The following PRUNE2 variants were observed in gnomAD, a reference collection of about 807,000 sequenced individuals.
The protein encoded by PRUNE2 is protein prune homolog 2.
Under a neutral mutation model 252.0 loss-of-function variants are expected in PRUNE2, and 164 were observed. The observed-to-expected ratio is 0.65, with a 90% CI of 0.57 to 0.74. PRUNE2 has a LOEUF of 0.74. Ranked by LOEUF, PRUNE2 falls within the 30% of genes least tolerant of loss-of-function variation. The probability of loss-of-function intolerance (pLI) is 0.00; values close to 1 mark genes in which losing one functional copy is unlikely to be tolerated. For synonymous variants in PRUNE2, 1,292 were observed against 1,350.2 expected (o/e 0.96, Z 0.94); for missense variants, 3,495 against 3,711.0 (o/e 0.94, Z 1.51).
chr9:76,643,847 C>G (rs1486703023), intron 12 of PRUNE2, among the ~76,000 whole-genome samples: 1 of 152,090 alleles, frequency 6.6e-6, no homozygotes, highest in Admixed American at 6.5e-5. Flanking sequence ...TAATAGAAAA[C>G]AAAAGCAGTG....
intron 1 of PRUNE2, among the ~76,000 whole-genome samples, chr9:76,882,529 G>A (rs2133316912): frequency 6.6e-6 from 1 of 152,278 alleles, no homozygotes; most frequent in African/African-American, 2.4e-5. Flanking sequence ...CTTCCAGGGA[G>A]GCCTCAGGAA....
chr9:76,818,439 T>C lies in PRUNE2; in HGVS notation c.756+5193A>G, dbSNP rs534582987. On this transcript the variant is annotated intron_variant, in intron 6 of 18. Transcript: ENST00000376718. ...TGAATGCTAATGGAAAACATTAGTA[T>C]TTTCCCCTGGGCAGTACTCCAAGGT... is the stretch of plus-strand genomic sequence containing the variant. Among the ~76,000 whole-genome samples the C allele has an allele frequency of 3.3e-5, 5 of 152,248 alleles. No homozygotes were observed. The South Asian group carries it at 1.0e-3, about 32-fold the overall frequency.
At chr9:76,717,568 A>C (rs2047260326) in intron 6 of PRUNE2, among the ~76,000 whole-genome samples, 1 of 152,132 alleles carries the variant, frequency 6.6e-6, no homozygotes, top group Non-Finnish European at 1.5e-5. Flanking sequence ...AAATGTCTCC[A>C]AAATGTTCCC....
chr9:76,678,457 C>A lies in PRUNE2; in HGVS notation c.8277-22955G>T, dbSNP rs76365795. On this transcript the variant is annotated intron_variant, in intron 9 of 18. Transcript: ENST00000376718. ...AAAAAATGAAAAGAAGAAAAGATTT[C>A]TTGGTCAAAATGAGACATACAAAAC... is the stretch of plus-strand genomic sequence containing the variant. Among the ~76,000 whole-genome samples the A allele has an allele frequency of 1.1e-4, 16 of 151,412 alleles. No homozygotes were observed. The East Asian group carries it at 2.9e-3, about 28-fold the overall frequency.
rs539943045 is a variant in PRUNE2 at position 76,706,836 on chromosome 9, T to C, written c.5438A>G (p.Asp1813Gly). ...SPKASFPKNE[D>G]NSQLEMLGFS... ...GCCCAGCATTTCCAGTTGAGAATTA[T>C]CTTCGTTCTTTGGGAACGAAGCTTT... Residue 1813 changes from aspartate (D) to glycine (G), a missense_variant, in exon 8 of 19, where the codon GAT becomes GGT. Physicochemically the swap from Asp to Gly is moderately conservative, Grantham distance 94. Coordinates refer to ENST00000376718, the MANE Select transcript of PRUNE2 (RefSeq NM_015225.3). 12 of 1,596,592 alleles carry C rather than the reference T, an allele frequency of 7.5e-6. No individual in the cohort carries two copies. In the African/African-American group the frequency reaches 1.3e-4, roughly 18 times the overall value.
chr9:76,669,678 G>C (rs908180993), intron 9 of PRUNE2, among the ~76,000 whole-genome samples: 3 of 152,192 alleles, frequency 2.0e-5, no homozygotes, highest in Non-Finnish European at 4.4e-5. Context: ...TCCAGTCTAA[G>C]CTGACTTCCA....
Position 76,629,288 on chromosome 9 carries a change from G to C in PRUNE2, c.9053C>G (p.Ser3018Ter). 7.1e-7 allele frequency: 1 copy of C among 1,411,768 alleles called. No individual in the cohort carries two copies. The allele number at this position is 1,411,768 out of a possible 1,614,324, so 87.5% of individuals were successfully genotyped here. A position where few individuals can be genotyped will look rare whatever the true frequency, so the allele number is the denominator to read the frequency against. ...ATATTTAATTTTACTGCTGAATTTT[G>C]AACTAAAAAAAAAAAAAAGAAAAAA... ...ILAVTRPFIS[S>*]KFSSKIKYVN... The change falls in exon 16 of 19, where the codon TCA (serine) becomes TGA (stop). Residue 3018 changes from serine to a stop codon, truncating the protein, a stop_gained and splice_region_variant. Transcript: ENST00000376718. LOFTEE classifies it high-confidence loss of function.
chr9:76,789,328 A>G (rs1050738297), intron 6 of PRUNE2, among the ~76,000 whole-genome samples: 5 of 152,328 alleles, frequency 3.3e-5, no homozygotes, highest in African/African-American at 1.2e-4. Context: ...ACAAAAGAAG[A>G]AATGGGGCTT....
intron 17 of PRUNE2, among the ~76,000 whole-genome samples, chr9:76,623,921 A>G (rs970644338): frequency 2.0e-5 from 3 of 152,238 alleles, no homozygotes; most frequent in African/African-American, 4.8e-5. Flanking sequence ...TGAGATTCAT[A>G]CTTTAGCAAT....
chr9:76,649,421 CA>C (rs1431436952), intron 11 of PRUNE2, among the ~76,000 whole-genome samples: 1 of 152,006 alleles, frequency 6.6e-6, no homozygotes, highest in Admixed American at 6.6e-5. Flanking sequence ...CTCATCTCTA[CA>C]AAAAAATATA....
intron 1 of PRUNE2, among the ~76,000 whole-genome samples, chr9:76,876,289 T>C (rs577655485): frequency 2.6e-5 from 4 of 152,318 alleles, no homozygotes; most frequent in Admixed American, 1.3e-4. Context: ...AAGCAAGGAA[T>C]AGCATGTTCT....
chr9:76,616,833 T>C (rs1829948383), intron 18 of PRUNE2, among the ~76,000 whole-genome samples: 1 of 152,200 alleles, frequency 6.6e-6, no homozygotes, highest in Non-Finnish European at 1.5e-5. Context: ...AGAGCCACTC[T>C]TGATCACTGT....
intron 9 of PRUNE2, among the ~76,000 whole-genome samples, chr9:76,656,411 A>G (rs1849252727): frequency 6.6e-6 from 1 of 152,192 alleles, no homozygotes; most frequent in African/African-American, 2.4e-5. Context: ...AATTTTAAAC[A>G]TGATAAACCT....
At chr9:76,881,060 T>C (rs911972093) in intron 1 of PRUNE2, among the ~76,000 whole-genome samples, 4 of 150,186 alleles carry the variant, frequency 2.7e-5, no homozygotes, top group South Asian at 2.1e-4. Context: ...TCCCTCCCCC[T>C]GGGTTCAAGC....
intron 9 of PRUNE2, among the ~76,000 whole-genome samples, chr9:76,662,323 C>T (rs947013587): frequency 2.0e-5 from 3 of 152,146 alleles, no homozygotes; most frequent in Non-Finnish European, 4.4e-5. Context: ...ATGAAGCCCA[C>T]GTATATTCGT....
intron 6 of PRUNE2, chr9:76,733,668 G>C (rs1397629891): frequency 6.6e-6 from 1 of 152,000 alleles, no homozygotes; most frequent in Non-Finnish European, 1.5e-5. Context: ...GCCTCCCAGA[G>C]TGCTAGGACT....
chr9:76,720,866 A>G (rs1248386209), intron 6 of PRUNE2, among the ~76,000 whole-genome samples: 1 of 152,106 alleles, frequency 6.6e-6, no homozygotes, highest in East Asian at 1.9e-4. Context: ...AAATGATGTA[A>G]GGTTTGGGAG....
chr9:76,621,733 G>A (rs1402575365), intron 17 of PRUNE2, among the ~76,000 whole-genome samples: 1 of 151,854 alleles, frequency 6.6e-6, no homozygotes, highest in African/African-American at 2.4e-5. Flanking sequence ...AGGCTGGAGT[G>A]TAGTGGTAAG....
intron 1 of PRUNE2, among the ~76,000 whole-genome samples, chr9:76,893,265 A>G (rs147591318): frequency 1.3e-5 from 2 of 152,198 alleles, no homozygotes; most frequent in East Asian, 1.9e-4. Flanking sequence ...ACAAACAACA[A>G]TAACAAAAAA....
Sources: gnomAD v4.1 joint callset for allele counts (sites outside exome capture counted in the v4.1 genomes callset) on GRCh38, gnomAD v4.1.1 for gene constraint, MANE v1.5 for transcripts, NCBI Gene and HGNC (gene_info 2026-07-23, HGNC 2026-07-21) for gene names.